TRPC4: variants seen among roughly 807,000 people sequenced by gnomAD.
TRPC4 encodes transient receptor potential cation channel subfamily C member 4.
A neutral mutation model predicts 99.4 loss-of-function variants in TRPC4; 49 were observed. That is an observed-to-expected ratio of 0.49 (90% confidence interval 0.39 to 0.63). The LOEUF is 0.63. Ranked by LOEUF, TRPC4 falls within the 20% of genes least tolerant of loss-of-function variation. TRPC4 has a pLI of 0.00. For synonymous variants in TRPC4, 454 were observed against 425.9 expected (o/e 1.07, Z -0.81); for missense variants, 898 against 1,152.9 (o/e 0.78, Z 3.20).
chr13:37,821,206 A>ACACCCC (rs1260595162), intron 1 of TRPC4, among the ~76,000 whole-genome samples: 2 of 150,474 alleles, frequency 1.3e-5, no homozygotes, highest in African/African-American at 4.9e-5. Flanking sequence ...ACACACACAC[A>ACACCCC]CACACACACA....
intron 6 of TRPC4, among the ~76,000 whole-genome samples, chr13:37,660,565 A>G (rs2138672514): frequency 6.6e-6 from 1 of 152,332 alleles, no homozygotes; most frequent in East Asian, 1.9e-4. Context: ...AAATTTTAAC[A>G]AAGTTTGAAA....
intron 3 of TRPC4, among the ~76,000 whole-genome samples, chr13:37,698,965 A>C (rs887690610): frequency 6.6e-6 from 1 of 152,188 alleles, no homozygotes; most frequent in Non-Finnish European, 1.5e-5. Context: ...TCATGACTCC[A>C]AAGTTATATG....
chr13:37,827,433 T>C (rs1372293147), intron 1 of TRPC4, among the ~76,000 whole-genome samples: 5 of 152,184 alleles, frequency 3.3e-5, no homozygotes, highest in Admixed American at 2.6e-4. Flanking sequence ...ATGATGGTGA[T>C]GTACAGATGG....
Position 37,730,207 on chromosome 13 carries a change from T to C in TRPC4, c.897+15730A>G, listed in dbSNP as rs567852446. ...GATTAGGCCTATTTTAAAAAACACA[T>C]TAGTATATTTTTACCTCAGGAGGTA... is the stretch of plus-strand genomic sequence containing the variant. On this transcript the variant is annotated intron_variant, in intron 3 of 10. Transcript: ENST00000379705. Among the ~76,000 whole-genome samples, 6 of 152,088 alleles carry C rather than the reference T, an allele frequency of 3.9e-5. No individual in the cohort carries two copies. In the South Asian group the frequency reaches 1.2e-3, roughly 32 times the overall value.
At chr13:37,680,741 C>CA (rs1171824970) in intron 4 of TRPC4, among the ~76,000 whole-genome samples, 2 of 152,142 alleles carry the variant, frequency 1.3e-5, no homozygotes, top group African/African-American at 4.8e-5. Context: ...TACCCTGTGA[C>CA]ATAGAGATTC....
chr13:37,861,051 A>C (rs1351496573), intron 1 of TRPC4, among the ~76,000 whole-genome samples: 2 of 151,600 alleles, frequency 1.3e-5, no homozygotes, highest in African/African-American at 2.4e-5. Context: ...ATCCTTTTAT[A>C]TATCAAAGAT....
chr13:37,827,367 A>C (rs531499313), intron 1 of TRPC4, among the ~76,000 whole-genome samples: 1 of 152,136 alleles, frequency 6.6e-6, no homozygotes, highest in South Asian at 2.1e-4. Context: ...TAGAGTTTCC[A>C]GTTTTTCTGC....
chr13:37,730,854 T>C (rs1413117900), intron 3 of TRPC4, among the ~76,000 whole-genome samples: 2 of 152,020 alleles, frequency 1.3e-5, no homozygotes, highest in East Asian at 1.9e-4. Flanking sequence ...TAAGTACCTA[T>C]AAAATGGCAG....
intron 1 of TRPC4, among the ~76,000 whole-genome samples, chr13:37,809,383 T>C (rs1957614213): frequency 6.6e-6 from 1 of 152,196 alleles, no homozygotes; most frequent in Non-Finnish European, 1.5e-5. Flanking sequence ...GTTTTACTTT[T>C]TTGCAGTGAC....
At chr13:37,812,645 C>A (rs1038214789) in intron 1 of TRPC4, among the ~76,000 whole-genome samples, 1 of 151,820 alleles carries the variant, frequency 6.6e-6, no homozygotes, top group Admixed American at 6.6e-5. Context: ...CAGTCAGTCA[C>A]CCTAATATAT....
chr13:37,863,190 T>C (rs1959502224), intron 1 of TRPC4, among the ~76,000 whole-genome samples: 1 of 151,568 alleles, frequency 6.6e-6, no homozygotes, highest in South Asian at 2.1e-4. Flanking sequence ...ATTTGATGTA[T>C]GACTGCATGA....
Position 37,746,047 on chromosome 13 carries a change from T to G in TRPC4, c.787A>C (p.Arg263=). Residue 263 remains arginine, a synonymous_variant, in exon 3 of 11, where the codon AGA becomes CGA. Transcript: ENST00000379705. ...KDLLDQTRSS[R]ELEIILNYRD... The stretch of plus-strand genomic sequence containing the variant: ...TAATTAAGAATGATTTCCAGTTCTC[T>G]GGAACTTCTCGTCTGATCCAGTAGG... The G allele has an allele frequency of 6.2e-7, 1 of 1,613,968 alleles. No homozygotes were observed. Among genetic ancestry groups the G allele is most frequent in the East Asian group, 2.2e-5 (1 of 44,844 alleles).
At chr13:37,730,556 T>G (rs1316898498) in intron 3 of TRPC4, among the ~76,000 whole-genome samples, 2 of 151,844 alleles carry the variant, frequency 1.3e-5, no homozygotes, top group Admixed American at 1.3e-4. Context: ...AGTCTGAACA[T>G]TTCCATTTAT....
intron 3 of TRPC4, among the ~76,000 whole-genome samples, chr13:37,728,909 C>T (rs1485813429): frequency 6.6e-6 from 1 of 151,916 alleles, no homozygotes; most frequent in African/African-American, 2.4e-5. Context: ...GATGATGGTG[C>T]CAAGACCATT....
intron 1 of TRPC4, among the ~76,000 whole-genome samples, chr13:37,847,027 C>T (rs564156164): frequency 6.6e-6 from 1 of 151,866 alleles, no homozygotes; most frequent in African/African-American, 2.4e-5. Context: ...AATATATATG[C>T]ACCCAACATC....
intron 3 of TRPC4, among the ~76,000 whole-genome samples, chr13:37,737,457 T>A (rs1955433879): frequency 6.6e-6 from 1 of 152,034 alleles, no homozygotes; most frequent in African/African-American, 2.4e-5. Context: ...AGACCTTATT[T>A]ACTTATTTAT....
intron 1 of TRPC4, among the ~76,000 whole-genome samples, chr13:37,824,440 A>G (rs1958134337): frequency 6.6e-6 from 1 of 152,088 alleles, no homozygotes; most frequent in Non-Finnish European, 1.5e-5. Context: ...GTTTTGAAAT[A>G]CTTCCCATCA....
chr13:37,745,547 T>TAC lies in TRPC4; in HGVS notation c.897+389_897+390insGT, dbSNP rs542921259. On this transcript the variant is annotated intron_variant, in intron 3 of 10. Coordinates refer to ENST00000379705, the MANE Select transcript of TRPC4 (RefSeq NM_016179.4). ...ATATATGTATATATACGTATATATATATATATATAATTTCAAATATTAAAT... is the reference window on the plus strand; with the variant it reads ...ATATATGTATATATACGTATATATATACATATATATAATTTCAAATATTAAAT... 5.0e-3 allele frequency among the ~76,000 whole-genome samples: 714 copies of TAC among 143,446 alleles called. 5 individuals are homozygous for TAC. The highest frequency in any genetic ancestry group is 0.018 in the African/African-American group (670 of 38,070). 94.1% of individuals were successfully genotyped at this position (143,446 alleles called of 152,430 possible). A position where few individuals can be genotyped will look rare whatever the true frequency, so the allele number is the denominator to read the frequency against.
In TRPC4 at chr13:37,866,822, A is replaced by G. The variant is rs952424969; in HGVS notation, c.-28+2773T>C. ...CCCAATTAAATTTGGGTTGAGTCGA[A>G]CCAGTTTTAATGTTTATTTTTTGTG... On this transcript the variant is annotated intron_variant, in intron 1 of 10. Transcript: ENST00000379705. Among the ~76,000 whole-genome samples, 7 of 102,270 alleles carry G rather than the reference A, an allele frequency of 6.8e-5. 1 individual carries two copies. The Admixed American group carries it at 7.2e-4, about 10-fold the overall frequency. 67.1% of individuals were successfully genotyped at this position (102,270 alleles called of 152,430 possible). A position where few individuals can be genotyped will look rare whatever the true frequency, so the allele number is the denominator to read the frequency against.
Sources: allele counts gnomAD v4.1 joint callset (sites outside exome capture counted in the v4.1 genomes callset), GRCh38; gene constraint gnomAD v4.1.1; transcripts MANE v1.5; gene names NCBI Gene and HGNC (gene_info 2026-07-23, HGNC 2026-07-21).